The following GALNT2 variants were observed in gnomAD, a reference collection of about 807,000 sequenced individuals.
The protein encoded by GALNT2 is polypeptide N-acetylgalactosaminyltransferase 2.
Under a neutral mutation model 81.4 loss-of-function variants are expected in GALNT2, and 31 were observed. The observed-to-expected ratio is 0.38, with a 90% confidence interval of 0.29 to 0.51. The LOEUF is 0.51. GALNT2 is among the 20% of genes least tolerant of loss of function. GALNT2 has a pLI of 0.87. For synonymous variants in GALNT2, 303 were observed against 287.4 expected (o/e 1.05, Z -0.55); for missense variants, 629 against 765.7 (o/e 0.82, Z 2.11).
chr1:230,243,193 G>T lies in GALNT2; in HGVS notation c.608-113G>T. The stretch of plus-strand genomic sequence containing the variant: ...CCAGCAAGTTTACAGTAATGTCCGT[G>T]CCCAGAAAGCAGGCTGCAGAGCTGC... On this transcript the variant is annotated intron_variant, in intron 6 of 15. Transcript: ENST00000366672. The surrounding 1 kb of genome is among the most constrained non-coding windows in gnomAD (Gnocchi z 4.2). The T allele has an allele frequency of 7.3e-7, 1 of 1,371,380 alleles. No homozygotes were observed. Among genetic ancestry groups the T allele is most frequent in the Non-Finnish European group, 9.7e-7 (1 of 1,030,304 alleles). 85.0% of individuals were successfully genotyped at this position (1,371,380 alleles called of 1,614,324 possible). A position where few individuals can be genotyped will look rare whatever the true frequency, so the allele number is the denominator to read the frequency against.
chr1:230,091,389 C>G (rs1660076428), intron 1 of GALNT2, among the ~76,000 whole-genome samples: 1 of 152,060 alleles, frequency 6.6e-6, no homozygotes. Context: ...CAAACCTTTT[C>G]TATCGGCCTA....
chr1:230,085,801 A>G (rs1396867549), intron 1 of GALNT2, among the ~76,000 whole-genome samples: 2 of 152,224 alleles, frequency 1.3e-5, no homozygotes, highest in African/African-American at 2.4e-5. Flanking sequence ...TTAATGCTCT[A>G]TACCTTAGCC....
At chr1:230,175,277 T>C (rs1249675349) in intron 1 of GALNT2, among the ~76,000 whole-genome samples, 1 of 152,168 alleles carries the variant, frequency 6.6e-6, no homozygotes. Flanking sequence ...GGCTATTTAG[T>C]TGAGGGAGGG....
At chr1:230,159,805 C>A (rs149275867) in intron 1 of GALNT2, among the ~76,000 whole-genome samples, 1 of 152,336 alleles carries the variant, frequency 6.6e-6, no homozygotes, top group East Asian at 1.9e-4. Flanking sequence ...GTGCAATGAC[C>A]CTCCTCTTCC....
rs1337868658 is a variant in GALNT2 at position 230,243,179 on chromosome 1, A to G, written c.608-127A>G. The G allele has an allele frequency of 6.4e-6, 8 of 1,245,938 alleles. No homozygotes were observed. The highest frequency in any genetic ancestry group is 8.7e-6 in the Non-Finnish European group (8 of 921,794). 77.2% of individuals were successfully genotyped at this position (1,245,938 alleles called of 1,614,324 possible). A position where few individuals can be genotyped will look rare whatever the true frequency, so the allele number is the denominator to read the frequency against. ...AGTTTTGATCTCATCCAGCAAGTTTACAGTAATGTCCGTGCCCAGAAAGCA... is the reference window on the plus strand; with the variant it reads ...AGTTTTGATCTCATCCAGCAAGTTTGCAGTAATGTCCGTGCCCAGAAAGCA... On this transcript the variant is annotated intron_variant, in intron 6 of 15. Transcript: ENST00000366672. The surrounding 1 kb of genome is among the most constrained non-coding windows in gnomAD (Gnocchi z 4.2).
chr1:230,253,196 C>T (rs1665604164), intron 10 of GALNT2, among the ~76,000 whole-genome samples: 1 of 152,170 alleles, frequency 6.6e-6, no homozygotes, highest in South Asian at 2.1e-4. Flanking sequence ...AAGTCGGAAA[C>T]TTTCACTGCT....
intron 1 of GALNT2, among the ~76,000 whole-genome samples, chr1:230,128,249 G>A (rs908281831): frequency 4.6e-5 from 7 of 150,860 alleles, no homozygotes; most frequent in Non-Finnish European, 1.0e-4. Flanking sequence ...ATGCAAGTGC[G>A]CTGGAGAATG....
At chr1:230,129,502 T>C (rs1558098242) in intron 1 of GALNT2, among the ~76,000 whole-genome samples, 1 of 152,116 alleles carries the variant, frequency 6.6e-6, no homozygotes, top group South Asian at 2.1e-4. Flanking sequence ...ATTTTTTTTG[T>C]AAAGATGGGG....
chr1:230,060,374 C>T (rs967021754), intron 1 of GALNT2, among the ~76,000 whole-genome samples: 1 of 152,084 alleles, frequency 6.6e-6, no homozygotes, highest in Admixed American at 6.5e-5. Context: ...CATCCTTGGC[C>T]AGAATACAAA....
intron 3 of GALNT2, among the ~76,000 whole-genome samples, chr1:230,222,276 T>G (rs1218290753): frequency 6.6e-6 from 1 of 152,098 alleles, no homozygotes; most frequent in Non-Finnish European, 1.5e-5. Context: ...TCCGCCCGCC[T>G]CGGCCTCCCT....
At chr1:230,094,821 G>A (rs1257831538) in intron 1 of GALNT2, among the ~76,000 whole-genome samples, 1 of 152,110 alleles carries the variant, frequency 6.6e-6, no homozygotes, top group Non-Finnish European at 1.5e-5. Flanking sequence ...CTTGTGTGTT[G>A]TTTTGCCTAA....
chr1:230,126,364 TTGGGGCCCGC>T (rs1661176545), intron 1 of GALNT2, among the ~76,000 whole-genome samples: 1 of 152,130 alleles, frequency 6.6e-6, no homozygotes, highest in African/African-American at 2.4e-5. Context: ...CATGCACTTT[TTGGGGCCCGC>T]TGGGGTGCTC....
chr1:230,076,795 G>T (rs937933806), intron 1 of GALNT2, among the ~76,000 whole-genome samples: 1 of 152,162 alleles, frequency 6.6e-6, no homozygotes, highest in East Asian at 1.9e-4. Context: ...CGTGCGTCCA[G>T]TGTACTTCTG....
intron 15 of GALNT2, among the ~76,000 whole-genome samples, chr1:230,277,824 A>T (rs922310843): frequency 3.3e-5 from 5 of 152,188 alleles, no homozygotes; most frequent in Admixed American, 6.5e-5. Context: ...TGGCTTTGCC[A>T]GTTGGAACAT....
At chr1:230,227,226 T>G (rs1664740295) in intron 3 of GALNT2, among the ~76,000 whole-genome samples, 1 of 152,058 alleles carries the variant, frequency 6.6e-6, no homozygotes, top group African/African-American at 2.4e-5. Flanking sequence ...ATAAAAAATT[T>G]GCCTTCCCAA....
intron 1 of GALNT2, among the ~76,000 whole-genome samples, chr1:230,124,167 G>A (rs545056199): frequency 3.9e-5 from 6 of 152,220 alleles, no homozygotes; most frequent in South Asian, 2.1e-4. Flanking sequence ...AATATTACCC[G>A]GCCTGGATTT....
At chr1:230,095,449 C>G (rs1043494711) in intron 1 of GALNT2, among the ~76,000 whole-genome samples, 2 of 152,118 alleles carry the variant, frequency 1.3e-5, no homozygotes, top group Non-Finnish European at 2.9e-5. Context: ...GAATTCAGAC[C>G]CACCCCTGCG....
chr1:230,206,872 G>T (rs1481262643), intron 3 of GALNT2, among the ~76,000 whole-genome samples: 1 of 152,010 alleles, frequency 6.6e-6, no homozygotes, highest in Non-Finnish European at 1.5e-5. Flanking sequence ...TGTAACCTAT[G>T]AAGATTAAGC....
upstream of GALNT2, among the ~76,000 whole-genome samples, chr1:230,064,602 C>A (rs982417089): frequency 6.6e-6 from 1 of 152,192 alleles, no homozygotes; most frequent in East Asian, 1.9e-4. Flanking sequence ...CTCACTGCAA[C>A]CTCTGCCTCC....
Sources: allele counts gnomAD v4.1 joint callset (sites outside exome capture counted in the v4.1 genomes callset), GRCh38; gene constraint gnomAD v4.1.1; non-coding constraint Gnocchi (gnomAD v3.1); transcripts MANE v1.5; gene names NCBI Gene and HGNC (gene_info 2026-07-23, HGNC 2026-07-21).